PELI1: variants seen among roughly 807,000 people sequenced by gnomAD.
The protein encoded by PELI1 is pellino E3 ubiquitin protein ligase 1.
In PELI1, 15 loss-of-function variants were observed where a neutral mutation model predicts 41.3. That is an observed-to-expected ratio of 0.36 (90% confidence interval 0.24 to 0.56). The LOEUF (loss-of-function observed/expected upper bound fraction) is 0.56, where lower values mean the gene tolerates loss of function less well. Ranked by LOEUF, PELI1 falls within the 20% of genes least tolerant of loss-of-function variation. PELI1 has a pLI of 0.82. For synonymous variants in PELI1, 178 were observed against 180.1 expected, an observed-to-expected ratio of 0.99 and a Z score of 0.09; for missense variants, 403 against 525.5, an observed-to-expected ratio of 0.77 and a Z score of 2.28.
chr2:64,133,343 G>C (rs936048195), intron 1 of PELI1, among the ~76,000 whole-genome samples: 3 of 152,174 alleles, frequency 2.0e-5, no homozygotes, highest in African/African-American at 7.2e-5. Flanking sequence ...AGTATAGATA[G>C]AAGAGAGAGA....
At chr2:64,131,824 T>C (rs1328665238) in intron 1 of PELI1, among the ~76,000 whole-genome samples, 1 of 152,106 alleles carries the variant, frequency 6.6e-6, no homozygotes, top group African/African-American at 2.4e-5. Flanking sequence ...TTTCACCATG[T>C]TGGCCAGGCT....
At chr2:64,134,492 T>C (rs981416540) in intron 1 of PELI1, among the ~76,000 whole-genome samples, 1 of 152,274 alleles carries the variant, frequency 6.6e-6, no homozygotes, top group East Asian at 1.9e-4. Context: ...AAAAAGCTTT[T>C]TGATACATAA....
chr2:64,110,583 G>A (rs1680778982), intron 1 of PELI1, among the ~76,000 whole-genome samples: 1 of 152,102 alleles, frequency 6.6e-6, no homozygotes, highest in Non-Finnish European at 1.5e-5. Context: ...AAATACAATC[G>A]ACTTTCCTTC....
intron 3 of PELI1, among the ~76,000 whole-genome samples, chr2:64,103,179 A>C (rs1471957479): frequency 1.3e-5 from 2 of 152,138 alleles, no homozygotes; most frequent in African/African-American, 4.8e-5. Context: ...CTTATTGCCT[A>C]GTAAAGATGA....
chr2:64,094,982 C>A lies in PELI1; in HGVS notation c.977G>T (p.Arg326Leu). Reference protein sequence around the residue: ...GYHNWGNKEERDGKDRECPMC... With the variant: ...GYHNWGNKEELDGKDRECPMC... Reference sequence around the variant, plus strand: ...AGGACATTCACGATCTTTTCCATCACGTTCTTCTTTGTTTCCCCAGTTATG... The same window carrying A: ...AGGACATTCACGATCTTTTCCATCAAGTTCTTCTTTGTTTCCCCAGTTATG... Residue 326 changes from arginine (R) to leucine (L), a missense_variant, in exon 7 of 7, where the codon CGT (arginine) becomes CTT (leucine). Physicochemically the swap from Arg to Leu is moderately radical, Grantham distance 102 (BLOSUM62 -2). Coordinates refer to ENST00000358912, the MANE Select transcript of PELI1 (RefSeq NM_020651.4). 6.2e-7 allele frequency: 1 copy of A among 1,614,188 alleles called. No homozygotes were observed. Among genetic ancestry groups the A allele is most frequent in the Non-Finnish European group, 8.5e-7 (1 of 1,180,032 alleles).
At position 64,096,675 on chromosome 2, in the gene PELI1, A is replaced by G. The variant is rs531674378; in HGVS notation, c.304-65T>C. 2.8e-6 allele frequency: 3 copies of G among 1,057,848 alleles called. No individual in the cohort carries two copies. The East Asian group carries it at 7.4e-5, about 26-fold the overall frequency. 65.5% of individuals were successfully genotyped at this position (1,057,848 alleles called of 1,614,324 possible). A position where few individuals can be genotyped will look rare whatever the true frequency, so the allele number is the denominator to read the frequency against. On this transcript the variant is annotated intron_variant, in intron 4 of 6. Coordinates refer to ENST00000358912, the MANE Select transcript of PELI1 (RefSeq NM_020651.4). The stretch of plus-strand genomic sequence containing the variant: ...AGCACAGTGGAAAATCCATTCAAGA[A>G]GGGCACAATAAGGAGAGAACATTAG...
At chr2:64,119,168 A>G (rs1416341959) in intron 1 of PELI1, among the ~76,000 whole-genome samples, 2 of 152,184 alleles carry the variant, frequency 1.3e-5, no homozygotes, top group Admixed American at 1.3e-4. Flanking sequence ...AAAGCCTTGG[A>G]GCTTGAGATT....
intron 1 of PELI1, among the ~76,000 whole-genome samples, chr2:64,129,521 C>G (rs1488606656): frequency 2.0e-5 from 3 of 152,094 alleles, no homozygotes; most frequent in African/African-American, 7.2e-5. Flanking sequence ...CAAGTTTTGT[C>G]TAATTCCTCT....
At chr2:64,137,737 CTG>C (rs1287904567) in intron 1 of PELI1, among the ~76,000 whole-genome samples, 1 of 152,126 alleles carries the variant, frequency 6.6e-6, no homozygotes, top group African/African-American at 2.4e-5. Context: ...TCAAGATCCT[CTG>C]TGAGTCATAT....
In PELI1 at chr2:64,131,894, T is replaced by C. The variant is rs1343707024; in HGVS notation, c.-70+12187A>G. 2.0e-5 allele frequency among the ~76,000 whole-genome samples: 3 copies of C among 152,184 alleles called. No individual in the cohort carries two copies. The East Asian group carries it at 5.8e-4, about 29-fold the overall frequency. On this transcript the variant is annotated intron_variant, in intron 1 of 6. Transcript: ENST00000358912. ...CCTTGGCCTCCCAAAGTGCTGGGGT[T>C]ACAGGCATGAGCCACTGCACCCAGC...
At chr2:64,097,810 T>C (rs1227368981) in intron 4 of PELI1, among the ~76,000 whole-genome samples, 1 of 152,226 alleles carries the variant, frequency 6.6e-6, no homozygotes, top group African/African-American at 2.4e-5. Flanking sequence ...AGTGTTTTTG[T>C]CCAACTGTCA....
intron 1 of PELI1, among the ~76,000 whole-genome samples, chr2:64,134,334 T>C (rs1025591401): frequency 1.3e-5 from 2 of 152,190 alleles, no homozygotes; most frequent in African/African-American, 4.8e-5. Context: ...TAAAAATGTC[T>C]GCTCTCAATG....
At chr2:64,101,681 TAA>T (rs1217207676) in intron 3 of PELI1, among the ~76,000 whole-genome samples, 1 of 152,166 alleles carries the variant, frequency 6.6e-6, no homozygotes, top group African/African-American at 2.4e-5. Flanking sequence ...CTGTAATAGA[TAA>T]AGCCTTAAAA....
chr2:64,112,287 T>A (rs934846821), intron 1 of PELI1, among the ~76,000 whole-genome samples: 2 of 152,146 alleles, frequency 1.3e-5, no homozygotes, highest in African/African-American at 4.8e-5. Context: ...TGTTTCCTCA[T>A]CTCTGAAAAT....
chr2:64,100,091 A>C (rs1680374438), intron 4 of PELI1, among the ~76,000 whole-genome samples: 1 of 152,178 alleles, frequency 6.6e-6, no homozygotes, highest in South Asian at 2.1e-4. Context: ...CACAGTGCTG[A>C]GTACTCTACA....
At chr2:64,106,394 A>G (rs1267608980) in intron 2 of PELI1, 2 of 152,268 alleles carry the variant, frequency 1.3e-5, no homozygotes, top group African/African-American at 4.8e-5. Context: ...TGAGGAACCC[A>G]TAGGCTAAGA....
At chr2:64,107,454 A>ATGC (rs549592929) in intron 2 of PELI1, among the ~76,000 whole-genome samples, 2 of 152,200 alleles carry the variant, frequency 1.3e-5, no homozygotes, top group Non-Finnish European at 2.9e-5. Flanking sequence ...CAGAGGCATT[A>ATGC]TGCTGTCACC....
At chr2:64,102,705 C>T (rs974765421) in intron 3 of PELI1, among the ~76,000 whole-genome samples, 15 of 152,110 alleles carry the variant, frequency 9.9e-5, no homozygotes, top group African/African-American at 1.7e-4. Flanking sequence ...TGTCAAGTTA[C>T]GTTTGAGTCT....
intron 1 of PELI1, among the ~76,000 whole-genome samples, chr2:64,142,177 ACC>A (rs1182409390): frequency 2.0e-5 from 3 of 152,072 alleles, no homozygotes; most frequent in Non-Finnish European, 2.9e-5. Flanking sequence ...AGACACTATA[ACC>A]ACTTCACTAC....
Sources: allele counts gnomAD v4.1 joint callset (sites outside exome capture counted in the v4.1 genomes callset), GRCh38; gene constraint gnomAD v4.1.1; transcripts MANE v1.5; gene names NCBI Gene and HGNC (gene_info 2026-07-23, HGNC 2026-07-21).